Variants in NUP210L observed in about 807,000 individuals in gnomAD.
NUP210L encodes nuclear pore membrane glycoprotein 210-like.
Under a neutral mutation model 208.5 loss-of-function variants are expected in NUP210L, and 74 were observed. The observed-to-expected ratio is 0.35, with a 90% CI of 0.29 to 0.43. The LOEUF is 0.43. Ranked by LOEUF, NUP210L falls within the 20% of genes least tolerant of loss-of-function variation. NUP210L has a pLI of 1.00. For missense variants in NUP210L, 1,843 were observed against 2,289.4 expected (o/e 0.81, Z 3.98); for synonymous variants, 780 against 816.9 (o/e 0.95, Z 0.77).
At chr1:154,077,460 GA>G (rs1166953755) in intron 16 of NUP210L, among the ~76,000 whole-genome samples, 1 of 151,998 alleles carries the variant, frequency 6.6e-6, no homozygotes, top group African/African-American at 2.4e-5. Flanking sequence ...CAAAAATGGA[GA>G]AATTAAGACA....
intron 25 of NUP210L, among the ~76,000 whole-genome samples, chr1:154,052,390 C>T (rs1653563117): frequency 6.6e-6 from 1 of 152,090 alleles, no homozygotes; most frequent in Non-Finnish European, 1.5e-5. Flanking sequence ...GAGGAGGACC[C>T]CAACTGTCAT....
chr1:154,038,687 C>T (rs1044767640), intron 27 of NUP210L, among the ~76,000 whole-genome samples: 1 of 152,102 alleles, frequency 6.6e-6, no homozygotes, highest in African/African-American at 2.4e-5. Flanking sequence ...ACTTGAACTC[C>T]TGAGCTCAAG....
intron 25 of NUP210L, among the ~76,000 whole-genome samples, chr1:154,047,258 T>G (rs556960659): frequency 6.6e-6 from 1 of 151,848 alleles, no homozygotes; most frequent in South Asian, 2.1e-4. Flanking sequence ...TATAATTGGA[T>G]TGTCTGTAAC....
intron 10 of NUP210L, among the ~76,000 whole-genome samples, chr1:154,120,583 A>C (rs1657566388): frequency 6.6e-6 from 1 of 151,802 alleles, no homozygotes; most frequent in African/African-American, 2.4e-5. Flanking sequence ...ATATGTAACA[A>C]ACCTGCACAT....
At chr1:154,144,925 A>G (rs568680789) in intron 2 of NUP210L, among the ~76,000 whole-genome samples, 1 of 152,214 alleles carries the variant, frequency 6.6e-6, no homozygotes, top group Non-Finnish European at 1.5e-5. Context: ...CCTGGCCAAC[A>G]TGGTGAAACT....
At chr1:154,084,579 A>T (rs921866687) in intron 16 of NUP210L, among the ~76,000 whole-genome samples, 3 of 151,722 alleles carry the variant, frequency 2.0e-5, no homozygotes, top group South Asian at 2.1e-4. Context: ...CTTTATTTTT[A>T]AAAAATTTTT....
chr1:154,093,184 T>C (rs998054799), intron 15 of NUP210L, among the ~76,000 whole-genome samples: 1 of 152,116 alleles, frequency 6.6e-6, no homozygotes. Context: ...ATCCCAGCAC[T>C]TTGGGAGGCC....
exon 22 of NUP210L, chr1:154,058,172 G>A (rs2147993192): frequency 6.2e-7 from 1 of 1,614,066 alleles, no homozygotes; most frequent in South Asian, 1.1e-5. Flanking sequence ...GTTTGGAAGA[G>A]CCAAGAACCC....
chr1:154,067,551 C>A (rs1238055426), intron 17 of NUP210L, among the ~76,000 whole-genome samples: 1 of 152,192 alleles, frequency 6.6e-6, no homozygotes, highest in Non-Finnish European at 1.5e-5. Flanking sequence ...GGGATGCCCT[C>A]TCTCACCACT....
chr1:154,063,106 C>A (rs1311473827), intron 17 of NUP210L, among the ~76,000 whole-genome samples: 1 of 152,038 alleles, frequency 6.6e-6, no homozygotes, highest in Non-Finnish European at 1.5e-5. Flanking sequence ...TCAAAGAAAC[C>A]CATAGTTTAG....
At chr1:154,025,560 T>G (rs1651832692) in exon 30 of NUP210L, 2 of 1,610,926 alleles carry the variant, frequency 1.2e-6, no homozygotes, top group African/African-American at 1.3e-5. Flanking sequence ...CAGTTATGGT[T>G]GTTTGGTTGA....
At chr1:154,046,324 G>C (rs1653176512) in exon 26 of NUP210L, 1 of 1,614,038 alleles carries the variant, frequency 6.2e-7, no homozygotes, top group African/African-American at 1.3e-5. Context: ...GCAGCTGCAA[G>C]GATCCTAACA....
intron 29 of NUP210L, among the ~76,000 whole-genome samples, chr1:154,026,349 A>C (rs1651875169): frequency 1.3e-5 from 2 of 152,066 alleles, no homozygotes; most frequent in African/African-American, 2.4e-5. Context: ...AAACAACCCA[A>C]ATTTCTTTTC....
chr1:154,011,887 A>G (rs899697890), intron 34 of NUP210L, among the ~76,000 whole-genome samples: 1 of 151,164 alleles, frequency 6.6e-6, no homozygotes, highest in Non-Finnish European at 1.5e-5. Context: ...GGGTTTCACC[A>G]TGTTGGTCAG....
At chr1:154,075,397 A>C (rs1654979669) in intron 16 of NUP210L, among the ~76,000 whole-genome samples, 1 of 152,016 alleles carries the variant, frequency 6.6e-6, no homozygotes, top group Admixed American at 6.6e-5. Flanking sequence ...ACTTACTCCA[A>C]GTTAATAAAT....
intron 35 of NUP210L, among the ~76,000 whole-genome samples, chr1:154,009,110 A>C (rs1312281896): frequency 6.6e-6 from 1 of 151,808 alleles, no homozygotes; most frequent in Non-Finnish European, 1.5e-5. Context: ...GGGTTTCATC[A>C]TGTTGGCCAG....
intron 29 of NUP210L, among the ~76,000 whole-genome samples, chr1:154,026,507 C>T (rs921680042): frequency 8.6e-5 from 13 of 151,884 alleles, no homozygotes; most frequent in Non-Finnish European, 1.8e-4. Flanking sequence ...TGCAACCACC[C>T]CTGGCTAATT....
intron 12 of NUP210L, among the ~76,000 whole-genome samples, chr1:154,112,791 G>A (rs907664845): frequency 2.6e-5 from 4 of 151,768 alleles, no homozygotes; most frequent in African/African-American, 9.7e-5. Flanking sequence ...AGGAGGCGGA[G>A]GTTGCAGTGA....
intron 13 of NUP210L, among the ~76,000 whole-genome samples, chr1:154,103,671 C>CAAAA (rs553564283): frequency 2.6e-5 from 1 of 37,776 alleles, no homozygotes; most frequent in Non-Finnish European, 5.4e-5. Flanking sequence ...GACTCCGTCT[C>CAAAA]AAAAAAAAAA....
Sources: gnomAD v4.1 joint callset for allele counts (sites outside exome capture counted in the v4.1 genomes callset) on GRCh38, gnomAD v4.1.1 for gene constraint, MANE v1.5 for transcripts, NCBI Gene and HGNC (gene_info 2026-07-23, HGNC 2026-07-21) for gene names.